GRIK4: variants seen among roughly 807,000 people sequenced by gnomAD.
The protein encoded by GRIK4 is glutamate ionotropic receptor kainate type subunit 4, also known as glutamate receptor ionotropic, kainate 4.
Under a neutral mutation model 104.9 loss-of-function variants are expected in GRIK4, and 40 were observed. That is an observed-to-expected ratio of 0.38 (90% confidence interval 0.30 to 0.50). The LOEUF is 0.50. Among genes scored for constraint, GRIK4 ranks in the 20% least tolerant of loss-of-function variants. The pLI is 0.93. For missense variants in GRIK4, 1,047 were observed against 1,308.1 expected, an observed-to-expected ratio of 0.80 and a Z score of 3.08; for synonymous variants, 485 against 524.9, an observed-to-expected ratio of 0.92 and a Z score of 1.04.
At chr11:120,936,228 C>T (rs780389682) in intron 13 of GRIK4, 8 of 434,744 alleles carry the variant, frequency 1.8e-5, no homozygotes, top group African/African-American at 6.2e-5. Flanking sequence ...GCCCTCTTTT[C>T]ATATGGCCGC....
intron 1 of GRIK4, among the ~76,000 whole-genome samples, chr11:120,529,852 G>A (rs374494786): frequency 1.3e-4 from 20 of 152,224 alleles, no homozygotes; most frequent in African/African-American, 3.9e-4. Context: ...GCAACCCTGG[G>A]AGGCAGCTGC....
chr11:120,677,228 TA>T, intron 3 of GRIK4, among the ~76,000 whole-genome samples: 1 of 152,312 alleles, frequency 6.6e-6, no homozygotes, highest in African/African-American at 2.4e-5. Flanking sequence ...GTCAGGGCAC[TA>T]AAGGAGTAGC....
At chr11:120,919,564 G>A (rs984957413) in intron 13 of GRIK4, among the ~76,000 whole-genome samples, 2 of 152,126 alleles carry the variant, frequency 1.3e-5, no homozygotes, top group African/African-American at 2.4e-5. Context: ...AACTTAACAG[G>A]CCCTCCAGGT....
intron 1 of GRIK4, among the ~76,000 whole-genome samples, chr11:120,551,469 T>C (rs1286435585): frequency 6.6e-6 from 1 of 152,100 alleles, no homozygotes; most frequent in Non-Finnish European, 1.5e-5. Flanking sequence ...TCATACCCTT[T>C]TTGTCCAATT....
chr11:120,709,854 G>A (rs1300030096), intron 3 of GRIK4, among the ~76,000 whole-genome samples: 1 of 152,162 alleles, frequency 6.6e-6, no homozygotes, highest in Admixed American at 6.5e-5. Context: ...AAATGGCCGG[G>A]ATGCTCTCAG....
At chr11:120,821,922 A>G (rs984881519) in intron 6 of GRIK4, among the ~76,000 whole-genome samples, 2 of 152,206 alleles carry the variant, frequency 1.3e-5, no homozygotes, top group African/African-American at 4.8e-5. Context: ...AGCAATTAAC[A>G]CAGTAAAATC....
At chr11:120,657,406 C>A (rs75749368) in intron 2 of GRIK4, among the ~76,000 whole-genome samples, 1 of 152,182 alleles carries the variant, frequency 6.6e-6, no homozygotes, top group Admixed American at 6.5e-5. Flanking sequence ...TTGCCAACAG[C>A]GGAGTTGCCT....
chr11:120,661,639 C>T (rs150598965), intron 3 of GRIK4, among the ~76,000 whole-genome samples: 151 of 152,274 alleles, frequency 9.9e-4, no homozygotes, highest in African/African-American at 3.3e-3. Flanking sequence ...CAGAGGTGGG[C>T]GAGCAGCCAA....
chr11:120,806,083 C>T (rs962822164), intron 4 of GRIK4, among the ~76,000 whole-genome samples: 6 of 152,170 alleles, frequency 3.9e-5, no homozygotes, highest in African/African-American at 9.7e-5. Flanking sequence ...TCACTGGGAA[C>T]GGTGTAGGTG....
intron 6 of GRIK4, among the ~76,000 whole-genome samples, chr11:120,831,053 C>G (rs1415512113): frequency 6.6e-6 from 1 of 152,114 alleles, no homozygotes; most frequent in African/African-American, 2.4e-5. Context: ...TGAGGGAGGG[C>G]AGGGGTAGGT....
At chr11:120,930,090 T>C (rs1857029389) in intron 13 of GRIK4, among the ~76,000 whole-genome samples, 1 of 152,068 alleles carries the variant, frequency 6.6e-6, no homozygotes, top group African/African-American at 2.4e-5. Flanking sequence ...GGAAAGTCAC[T>C]GCGAACAGTG....
Position 120,672,701 on chromosome 11 carries a change from C to T in GRIK4, c.82+12301C>T, listed in dbSNP as rs538748614. Among the ~76,000 whole-genome samples the T allele has an allele frequency of 2.7e-5, 4 of 150,702 alleles. No individual in the cohort carries two copies. The East Asian group carries it at 7.7e-4, about 29-fold the overall frequency. On this transcript the variant is annotated intron_variant, in intron 3 of 20. Transcript: ENST00000527524. ...ATTCTCTTTGTAGCAATTGTGAATG[C>T]GAGTTTGCTCGTGATTTGGCTCTCT...
At chr11:120,861,560 C>T (rs570131210) in intron 8 of GRIK4, among the ~76,000 whole-genome samples, 1 of 152,120 alleles carries the variant, frequency 6.6e-6, no homozygotes, top group Admixed American at 6.5e-5. Context: ...GGATTTCTGG[C>T]TGGAGGAGCC....
chr11:120,926,918 G>A (rs530131192), intron 13 of GRIK4, among the ~76,000 whole-genome samples: 148 of 152,322 alleles, frequency 9.7e-4, no homozygotes, highest in Non-Finnish European at 1.5e-3. Flanking sequence ...AGAGTGTCTC[G>A]AGGAGAGGGG....
chr11:120,867,661 A>G (rs887428256), intron 9 of GRIK4, among the ~76,000 whole-genome samples: 2 of 152,006 alleles, frequency 1.3e-5, no homozygotes, highest in Admixed American at 6.6e-5. Context: ...TTCTAAGGGC[A>G]CTGAGAGAGG....
intron 6 of GRIK4, among the ~76,000 whole-genome samples, chr11:120,826,957 G>C (rs1357219154): frequency 6.6e-6 from 1 of 152,160 alleles, no homozygotes; most frequent in Non-Finnish European, 1.5e-5. Flanking sequence ...TGGGCACCTG[G>C]CAGGGGGAAG....
intron 3 of GRIK4, among the ~76,000 whole-genome samples, chr11:120,719,911 G>T (rs1950899858): frequency 6.6e-6 from 1 of 151,302 alleles, no homozygotes; most frequent in Non-Finnish European, 1.5e-5. Context: ...GAGAAGCCGA[G>T]AAAAGAGGCT....
chr11:120,842,579 T>G (rs1446617824), intron 8 of GRIK4, among the ~76,000 whole-genome samples: 1 of 152,258 alleles, frequency 6.6e-6, no homozygotes, highest in Non-Finnish European at 1.5e-5. Flanking sequence ...TCCCAAGCCC[T>G]GGCTTGTCTT....
chr11:120,620,009 G>GT, intron 1 of GRIK4: 4 of 525,892 alleles, frequency 7.6e-6, no homozygotes, highest in Non-Finnish European at 1.0e-5. Context: ...AATCTCGGTG[G>GT]AGCTGTTAGC....
Sources: allele counts gnomAD v4.1 joint callset (sites outside exome capture counted in the v4.1 genomes callset), GRCh38; gene constraint gnomAD v4.1.1; transcripts MANE v1.5; gene names NCBI Gene and HGNC (gene_info 2026-07-23, HGNC 2026-07-21).